CRYBG2: variants seen among roughly 807,000 people sequenced by gnomAD.
CRYBG2 encodes the protein crystallin beta-gamma domain containing 2, also known as beta/gamma crystallin domain-containing protein 2.
A neutral mutation model predicts 153.4 loss-of-function variants in CRYBG2; 106 were observed. The observed-to-expected ratio is 0.69, with a 90% CI of 0.59 to 0.81. CRYBG2 has a LOEUF of 0.81. Ranked by LOEUF, CRYBG2 falls within the 30% of genes least tolerant of loss-of-function variation. CRYBG2 has a pLI of 0.00. For missense variants in CRYBG2, 1,996 were observed against 2,112.0 expected, an observed-to-expected ratio of 0.95 and a Z score of 1.08; for synonymous variants, 851 against 877.8, an observed-to-expected ratio of 0.97 and a Z score of 0.54.
intron 14 of CRYBG2, 120 bp downstream of exon 14, chr1:26,335,975 C>T (rs2074048297): frequency 4.0e-6 from 3 of 748,302 alleles, no homozygotes; most frequent in Non-Finnish European, 6.1e-6. Context: ...TTTAAAATTG[C>T]GCAAGACAGA....
At position 26,336,733 on chromosome 1, in the gene CRYBG2, C is replaced by T. The variant is rs756606382; in HGVS notation, c.3912-1G>A. The T allele has an allele frequency of 3.2e-6, 5 of 1,584,070 alleles. No individual in the cohort carries two copies. In the East Asian group the frequency reaches 1.2e-4, roughly 37 times the overall value. On this transcript the variant is annotated splice_acceptor_variant, in intron 11 of 19. Transcript: ENST00000308182. LOFTEE classifies it high-confidence loss of function. This position sits in a 1 kb window ranked among gnomAD's most constrained non-coding sequence, Gnocchi z 4.9. ...GCCCACCTCCTGGTAGGCCACCCAC[C>T]TGCAGGAAGGGCGGGGCGCGAGTCA...
chr1:26,322,368 A>G lies in CRYBG2; in HGVS notation c.4738-45T>C, dbSNP rs770659458. 5.7e-6 allele frequency: 9 copies of G among 1,571,148 alleles called. No individual in the cohort carries two copies. In the South Asian group the frequency reaches 1.0e-4, roughly 18 times the overall value. ...TCAGGCATTGTTCCTCCCCACAGGG[A>G]CTCTACTGTACCCAAGAAACCCTTG... is the stretch of plus-strand genomic sequence containing the variant. On this transcript the variant is annotated intron_variant, in intron 18 of 19. Coordinates refer to ENST00000308182, the MANE Select transcript of CRYBG2 (RefSeq NM_001039775.4).
intron 5 of CRYBG2, among the ~76,000 whole-genome samples, chr1:26,340,318 A>G (rs10902741): frequency 0.077 from 11,715 of 152,286 alleles, 550 homozygotes; most frequent in Non-Finnish European, 0.11. Context: ...TTATTCATCC[A>G]GTCACAGGTA....
chr1:26,325,539 G>A lies in CRYBG2; in HGVS notation c.4579-1229C>T, dbSNP rs549877713. Among the ~76,000 whole-genome samples, 5 of 152,162 alleles carry A rather than the reference G, an allele frequency of 3.3e-5. No homozygotes were observed. The highest frequency in any genetic ancestry group is 1.3e-4 in the Admixed American group (2 of 15,274). ...CACACCACTGCACTCCAGCCTGGGT[G>A]ACAGAGTAGGACTCCATCTCAAAAA... On this transcript the variant is annotated intron_variant, in intron 17 of 19. Coordinates refer to ENST00000308182, the MANE Select transcript of CRYBG2 (RefSeq NM_001039775.4). The surrounding 1 kb of genome is among the most constrained non-coding windows in gnomAD (Gnocchi z 4.1).
chr1:26,336,232 G>T lies in CRYBG2; in HGVS notation c.4072-25C>A, dbSNP rs908958249. Reference sequence around the variant, plus strand: ...TCTGGAGGCAGAGAGGGGAGATGAGGGGAAGGAGGACGATGGAGTGGGGCC... The same window carrying T: ...TCTGGAGGCAGAGAGGGGAGATGAGTGGAAGGAGGACGATGGAGTGGGGCC... On this transcript the variant is annotated intron_variant, in intron 13 of 19. Coordinates refer to ENST00000308182, the MANE Select transcript of CRYBG2 (RefSeq NM_001039775.4). The surrounding 1 kb of genome is among the most constrained non-coding windows in gnomAD (Gnocchi z 4.9). 1 of 1,571,740 alleles carries T rather than the reference G, an allele frequency of 6.4e-7. No homozygotes were observed. The highest frequency in any genetic ancestry group is 1.4e-5 in the African/African-American group (1 of 73,810).
intron 5 of CRYBG2, among the ~76,000 whole-genome samples, chr1:26,341,089 A>G (rs2074123513): frequency 6.6e-6 from 1 of 152,042 alleles, no homozygotes. Flanking sequence ...CTGTAATCCC[A>G]GCACTTTGAG....
At chr1:26,334,379 A>C (rs2074030516) in intron 14 of CRYBG2, among the ~76,000 whole-genome samples, 1 of 152,124 alleles carries the variant, frequency 6.6e-6, no homozygotes, top group Non-Finnish European at 1.5e-5. Context: ...AGCTGTGTTC[A>C]CACCACTGCA....
chr1:26,341,699 C>G (rs552287521), intron 5 of CRYBG2, among the ~76,000 whole-genome samples: 2 of 152,230 alleles, frequency 1.3e-5, no homozygotes, highest in East Asian at 3.9e-4. Context: ...GTTGGCTGGG[C>G]TGGTCTTGAA....
Position 26,344,087 on chromosome 1 carries a change from G to A in CRYBG2, c.2571C>T (p.Ser857=), listed in dbSNP as rs867599052. 69 of 1,536,154 alleles carry A rather than the reference G, an allele frequency of 4.5e-5. No homozygotes were observed. In the African/African-American group the frequency reaches 6.3e-4, roughly 14 times the overall value. ...TGGGTCTGGCAGGGTGGAGGTCCCT[G>A]GAGGGGCTGGGCCCAGCTTTCTCCT... ...RRQEKAGPSP[S]RDLHPARPTQ... Residue 857 remains serine (S), a synonymous_variant, in exon 2 of 20, where the codon TCC becomes TCT. Transcript: ENST00000308182.
intron 1 of CRYBG2, 115 bp downstream of exon 1, chr1:26,353,921 C>T (rs757316046): frequency 2.5e-5 from 10 of 398,584 alleles, no homozygotes; most frequent in East Asian, 3.6e-5. Context: ...AAGGCAGAGT[C>T]GGCTCAGGGT....
chr1:26,344,914 C>T lies in CRYBG2; in HGVS notation c.1744G>A (p.Val582Ile). ...GCAGGAGCACCAGGGCCCTTCACAA[C>T]CTCTTTTGGGGTGGTGGACAAGGCA... is the stretch of plus-strand genomic sequence containing the variant. ...PAALSTTPKE[V>I]VKGPGAPAAS... Residue 582 changes from valine (V) to isoleucine (I), a missense_variant, in exon 2 of 20, where the codon GTT (valine) becomes ATT (isoleucine). By Grantham distance (29) the Val-to-Ile change is conservative. Coordinates refer to ENST00000308182, the MANE Select transcript of CRYBG2 (RefSeq NM_001039775.4). 2.0e-6 allele frequency: 3 copies of T among 1,537,428 alleles called. No homozygotes were observed. Among genetic ancestry groups the T allele is most frequent in the Non-Finnish European group, 2.6e-6 (3 of 1,148,264 alleles).
At chr1:26,323,142 G>A (rs887952892) in intron 18 of CRYBG2, among the ~76,000 whole-genome samples, 1 of 149,906 alleles carries the variant, frequency 6.7e-6, no homozygotes, top group African/African-American at 2.5e-5. Flanking sequence ...GTGCAGTGGT[G>A]TGATCATAGC....
rs1443989405 is a variant in CRYBG2, at chr1:26,325,282, G to A, written c.4579-972C>T. ...CAGTCATAAATGCAATCCCGGCCGG[G>A]CGCGGAGGCTCACGCCTGTAATCCC... is the stretch of plus-strand genomic sequence containing the variant. On this transcript the variant is annotated intron_variant, in intron 17 of 19. Transcript: ENST00000308182. The surrounding 1 kb of genome is among the most constrained non-coding windows in gnomAD (Gnocchi z 4.1). Among the ~76,000 whole-genome samples the A allele has an allele frequency of 6.6e-6, 1 of 152,242 alleles. No homozygotes were observed. The highest frequency in any genetic ancestry group is 1.5e-5 in the Non-Finnish European group (1 of 68,050).
chr1:26,334,045 C>G (rs1337445124), intron 14 of CRYBG2, among the ~76,000 whole-genome samples: 2 of 152,160 alleles, frequency 1.3e-5, no homozygotes, highest in Non-Finnish European at 1.5e-5. Context: ...TCTTGAACTC[C>G]TGGACTCCTG....
rs1570199079 is a variant in CRYBG2 at position 26,343,221 on chromosome 1, C to T, written c.2961+25G>A. On this transcript the variant is annotated intron_variant, in intron 3 of 19. Transcript: ENST00000308182. This position sits in a 1 kb window ranked among gnomAD's most constrained non-coding sequence, Gnocchi z 4.1. Reference sequence around the variant, plus strand: ...CCAGGCCCCTGCATCCTGCTGCCCCCACCCACTTGCCCCCACAACCCTACC... The same window carrying T: ...CCAGGCCCCTGCATCCTGCTGCCCCTACCCACTTGCCCCCACAACCCTACC... 1 of 1,550,628 alleles carries T rather than the reference C, an allele frequency of 6.4e-7. No homozygotes were observed. Among genetic ancestry groups the T allele is most frequent in the African/African-American group, 1.4e-5 (1 of 73,144 alleles).
chr1:26,350,874 C>T (rs1276533266), intron 1 of CRYBG2, among the ~76,000 whole-genome samples: 1 of 152,168 alleles, frequency 6.6e-6, no homozygotes, highest in African/African-American at 2.4e-5. Context: ...ACCCACTGCC[C>T]CCACTCCCCT....
rs1323507893 is a variant in CRYBG2, at chr1:26,343,775, C to T, written c.2883G>A (p.Lys961=). 9 of 1,448,706 alleles carry T rather than the reference C, an allele frequency of 6.2e-6. No homozygotes were observed. The highest frequency in any genetic ancestry group is 8.2e-6 in the Non-Finnish European group (9 of 1,098,212). 89.7% of individuals were successfully genotyped at this position (1,448,706 alleles called of 1,614,324 possible). The change falls in exon 2 of 20, where the codon AAG becomes AAA. Residue 961 remains lysine, a synonymous_variant. Coordinates refer to ENST00000308182, the MANE Select transcript of CRYBG2 (RefSeq NM_001039775.4). The surrounding 1 kb of genome is among the most constrained non-coding windows in gnomAD (Gnocchi z 4.1). ...CCTCCAGGGGCAGGGAACAGGCAAGCTTCTCCGTTGGGGATGATCTTTCAC... is the reference window on the plus strand; with the variant it reads ...CCTCCAGGGGCAGGGAACAGGCAAGTTTCTCCGTTGGGGATGATCTTTCAC... ...LCSERSSPTE[K]LACSLPLEGW... is the part of the protein sequence containing the mutation.
chr1:26,327,987 T>C (rs555267469), intron 17 of CRYBG2, among the ~76,000 whole-genome samples: 1 of 152,040 alleles, frequency 6.6e-6, no homozygotes, highest in Non-Finnish European at 1.5e-5. Flanking sequence ...AAAAAGCTTT[T>C]TTTAAGAAAT....
Position 26,346,141 on chromosome 1 carries a change from G to A in CRYBG2, c.517C>T (p.Arg173Ter), listed in dbSNP as rs756220445. The change falls in exon 2 of 20, where the codon CGA (arginine) becomes TGA (stop). Residue 173 changes from arginine to a stop codon, truncating the protein, a stop_gained. Coordinates refer to ENST00000308182, the MANE Select transcript of CRYBG2 (RefSeq NM_001039775.4). LOFTEE classifies it high-confidence loss of function. The surrounding 1 kb of genome is among the most constrained non-coding windows in gnomAD (Gnocchi z 4.9). ...GTGGTCCGCACAGTGCGTGTCACTC[G>A]GTATTCCTCGAGGCTCCGGGAGCTA... ...SGSSRSLEEY[R>*]VTRTVRTTTV... The A allele has an allele frequency of 9.6e-6, 15 of 1,557,550 alleles. No individual in the cohort carries two copies. The highest frequency in any genetic ancestry group is 2.3e-5 in the East Asian group (1 of 44,368).
Sources: gnomAD v4.1 joint callset for allele counts (sites outside exome capture counted in the v4.1 genomes callset) on GRCh38, gnomAD v4.1.1 for gene constraint, Gnocchi (gnomAD v3.1) non-coding constraint, MANE v1.5 for transcripts, NCBI Gene and HGNC (gene_info 2026-07-23, HGNC 2026-07-21) for gene names.